Variants in SMIM21 observed in about 807,000 individuals in gnomAD.
The protein encoded by SMIM21 is chromosome 18 open reading frame 62.
In SMIM21, 8 loss-of-function variants were observed where a neutral mutation model predicts 8.6. That is an observed-to-expected ratio of 0.93 (90% CI 0.55 to 1.68). The LOEUF (loss-of-function observed/expected upper bound fraction) is 1.68. Among genes scored for constraint, SMIM21 ranks in the 40% most tolerant of loss-of-function variants. The pLI is 0.00. For missense variants in SMIM21, 132 were observed against 123.0 expected (o/e 1.07, Z -0.35); for synonymous variants, 43 against 41.7 (o/e 1.03, Z -0.12).
At chr18:75,413,118 GC>G (rs142984532) in intron 2 of SMIM21, among the ~76,000 whole-genome samples, 4,395 of 152,104 alleles carry the variant, frequency 0.029, 123 homozygotes, top group South Asian at 0.14. Flanking sequence ...ATGCTCCTGG[GC>G]CCCCCTACCT....
intron 1 of SMIM21, among the ~76,000 whole-genome samples, chr18:75,425,519 C>T (rs2024752451): frequency 6.6e-6 from 1 of 152,192 alleles, no homozygotes; most frequent in African/African-American, 2.4e-5. Flanking sequence ...ATTGTTCACA[C>T]CTGAAACCAT....
intron 2 of SMIM21, chr18:75,416,096 T>A (rs1272112243): frequency 6.6e-6 from 1 of 152,230 alleles, no homozygotes; most frequent in Non-Finnish European, 1.5e-5. Flanking sequence ...TGCAAATATA[T>A]TTTATTAGAT....
chr18:75,422,533 C>A (rs1269735287), intron 1 of SMIM21, among the ~76,000 whole-genome samples: 2 of 152,034 alleles, frequency 1.3e-5, no homozygotes, highest in Non-Finnish European at 2.9e-5. Context: ...AGCAGCATGA[C>A]TCATAATAGT....
At position 75,409,548 on chromosome 18, in the gene SMIM21, C is replaced by G. The variant is rs2024560180; in HGVS notation, c.*1316G>C. 1 of 152,176 alleles carries G rather than the reference C, an allele frequency of 6.6e-6. No individual in the cohort carries two copies. The highest frequency in any genetic ancestry group is 2.1e-4 in the South Asian group (1 of 4,818). 9.4% of individuals were successfully genotyped at this position (152,176 alleles called of 1,614,324 possible). The stretch of plus-strand genomic sequence containing the variant: ...AAGCTGGTTTCTTTGTGAACACCAT[C>G]CATTCATTGTTGACCTCACTGGGTT... On this transcript the variant is annotated 3_prime_UTR_variant, in exon 3 of 3. Coordinates refer to ENST00000579022, the MANE Select transcript of SMIM21 (RefSeq NM_001037331.3).
chr18:75,414,098 T>TACACACACAC (rs797004830), intron 2 of SMIM21, among the ~76,000 whole-genome samples: 2 of 51,274 alleles, frequency 3.9e-5, no homozygotes, highest in African/African-American at 2.2e-4. Flanking sequence ...CACACACACA[T>TACACACACAC]ACACACACAC....
chr18:75,427,547 G>A lies in SMIM21; in HGVS notation c.17C>T (p.Ser6Phe), dbSNP rs1374029610. The A allele has an allele frequency of 6.2e-7, 1 of 1,612,100 alleles. No homozygotes were observed. Among genetic ancestry groups the A allele is most frequent in the South Asian group, 1.1e-5 (1 of 90,704 alleles). Residue 6 changes from serine (S) to phenylalanine (F), a missense_variant, in exon 1 of 3, where the codon TCC becomes TTC. By Grantham distance (155) the Ser-to-Phe change is radical. Transcript: ENST00000579022. MDQYV[S>F]TAPPRFPIAQ... Reference sequence around the variant, plus strand: ...TATAGGGAATCGGGGAGGAGCTGTGGACACATACTGGTCCATGTGGGGGCT... The same window carrying A: ...TATAGGGAATCGGGGAGGAGCTGTGAACACATACTGGTCCATGTGGGGGCT...
chr18:75,420,954 A>G (rs534664696), intron 1 of SMIM21, among the ~76,000 whole-genome samples: 1 of 152,318 alleles, frequency 6.6e-6, no homozygotes, highest in Non-Finnish European at 1.5e-5. Flanking sequence ...GGAAAACTAG[A>G]AGCCAATGAG....
chr18:75,423,086 T>C (rs2024726411), intron 1 of SMIM21, among the ~76,000 whole-genome samples: 1 of 152,250 alleles, frequency 6.6e-6, no homozygotes, highest in Admixed American at 6.5e-5. Flanking sequence ...AGATCAGTTA[T>C]GAAAATTAAA....
intron 2 of SMIM21, among the ~76,000 whole-genome samples, chr18:75,412,041 C>G (rs1038045179): frequency 7.2e-5 from 11 of 152,294 alleles, no homozygotes; most frequent in South Asian, 6.2e-4. Context: ...TGTTCTGCTG[C>G]TACACACTGA....
In SMIM21 at chr18:75,418,828, C is replaced by G. The variant is rs776429162; in HGVS notation, c.218G>C (p.Gly73Ala). ...VLLRNHSRIQ[G>A]VSEDWKRANS... ...GGCCCTTTTCCAGTCTTCAGAAACC[C>G]CTTGTATCCTGCTATGATTCCTCAG... Residue 73 changes from glycine to alanine, a missense_variant, in exon 2 of 3, where the codon GGG becomes GCG. By Grantham distance (60) the Gly-to-Ala change is moderately conservative (BLOSUM62 0). Coordinates refer to ENST00000579022, the MANE Select transcript of SMIM21 (RefSeq NM_001037331.3). The G allele has an allele frequency of 1.2e-6, 2 of 1,612,800 alleles. No individual in the cohort carries two copies. Among genetic ancestry groups the G allele is most frequent in the Non-Finnish European group, 1.7e-6 (2 of 1,179,176 alleles).
At chr18:75,423,507 C>T (rs900138133) in intron 1 of SMIM21, among the ~76,000 whole-genome samples, 4 of 152,224 alleles carry the variant, frequency 2.6e-5, no homozygotes, top group Non-Finnish European at 5.9e-5. Flanking sequence ...GGTGTGATCA[C>T]ACCACACCCC....
intron 2 of SMIM21, among the ~76,000 whole-genome samples, chr18:75,412,062 C>A (rs2024590394): frequency 2.6e-5 from 4 of 152,282 alleles, no homozygotes; most frequent in South Asian, 2.1e-4. Context: ...GGGACTAGTT[C>A]TTGGCATAGA....
At chr18:75,416,534 T>C (rs2024647332) in intron 2 of SMIM21, 1 of 152,230 alleles carries the variant, frequency 6.6e-6, no homozygotes, top group African/African-American at 2.4e-5. Context: ...CTTCTTTCCT[T>C]TTGTTTACTC....
At chr18:75,421,211 T>C (rs989431703) in intron 1 of SMIM21, among the ~76,000 whole-genome samples, 1 of 152,182 alleles carries the variant, frequency 6.6e-6, no homozygotes, top group Non-Finnish European at 1.5e-5. Flanking sequence ...AAGTCTGTAG[T>C]CACTAAAGAA....
chr18:75,418,698 GT>G (rs3214645), intron 2 of SMIM21, 87 bp downstream of exon 2: 19 of 1,174,586 alleles, frequency 1.6e-5, no homozygotes, highest in South Asian at 2.1e-5. Flanking sequence ...GAATGTTCTA[GT>G]TTTTTTTTAA....
chr18:75,414,803 C>T (rs1265924956), intron 2 of SMIM21, among the ~76,000 whole-genome samples: 1 of 152,046 alleles, frequency 6.6e-6, no homozygotes, highest in Non-Finnish European at 1.5e-5. Flanking sequence ...TGGTTTTGGA[C>T]CCTTTGAACG....
At chr18:75,420,208 C>T (rs1304254499) in intron 1 of SMIM21, among the ~76,000 whole-genome samples, 2 of 152,166 alleles carry the variant, frequency 1.3e-5, no homozygotes, top group Admixed American at 1.3e-4. Context: ...AAAGCTGGAG[C>T]TACTTGGGTT....
intron 1 of SMIM21, among the ~76,000 whole-genome samples, chr18:75,425,936 A>T (rs973274188): frequency 1.3e-5 from 2 of 152,082 alleles, no homozygotes; most frequent in African/African-American, 4.8e-5. Flanking sequence ...TGCACTCCTC[A>T]TGCCTACTGT....
chr18:75,412,816 C>T (rs774496085), intron 2 of SMIM21, among the ~76,000 whole-genome samples: 32 of 151,956 alleles, frequency 2.1e-4, no homozygotes, highest in South Asian at 1.9e-3. Flanking sequence ...TGATCGAACA[C>T]ACTTGCTGGA....
Sources: allele counts gnomAD v4.1 joint callset (sites outside exome capture counted in the v4.1 genomes callset), GRCh38; gene constraint gnomAD v4.1.1; transcripts MANE v1.5; gene names NCBI Gene and HGNC (gene_info 2026-07-23, HGNC 2026-07-21).